PNKD: variants seen among roughly 807,000 people sequenced by gnomAD.
PNKD encodes PNKD metallo-beta-lactamase domain containing, also known as probable thioesterase PNKD.
Under a neutral mutation model 45.3 loss-of-function variants are expected in PNKD, and 36 were observed. The observed-to-expected ratio is 0.80, with a 90% CI of 0.61 to 1.05. The LOEUF (loss-of-function observed/expected upper bound fraction) is 1.05. Among genes scored for constraint, PNKD ranks in the 50% least tolerant of loss-of-function variants. The pLI, the probability that PNKD is intolerant of heterozygous loss-of-function variation, is 0.00. For synonymous variants in PNKD, 197 were observed against 210.1 expected, an observed-to-expected ratio of 0.94 and a Z score of 0.54; for missense variants, 511 against 506.6, an observed-to-expected ratio of 1.01 and a Z score of -0.08.
intron 2 of PNKD, among the ~76,000 whole-genome samples, chr2:218,288,070 T>C (rs886929293): frequency 6.6e-5 from 10 of 152,164 alleles, no homozygotes; most frequent in Admixed American, 2.6e-4. Flanking sequence ...TGTCTTTTCA[T>C]TGAACTTCAA....
chr2:218,286,155 C>A (rs750969512), intron 2 of PNKD: 2 of 152,730 alleles, frequency 1.3e-5, no homozygotes, highest in Non-Finnish European at 2.9e-5. Context: ...CCACTGGAAG[C>A]CTGAATTTTC....
intron 2 of PNKD, 84 bp downstream of exon 2, chr2:218,271,633 G>T: frequency 8.0e-7 from 1 of 1,243,724 alleles, no homozygotes; most frequent in Non-Finnish European, 1.1e-6. Flanking sequence ...CAAGTTTCAG[G>T]TGGCGAGCTG....
chr2:218,339,744 G>A (rs1215961190), intron 2 of PNKD, 39 bp from the exon 3 acceptor site: 14 of 1,274,942 alleles, frequency 1.1e-5, no homozygotes, highest in Admixed American at 6.8e-5. Context: ...GGGAGCTAGG[G>A]AGAAAAGGCT....
At position 218,342,112 on chromosome 2, in the gene PNKD, T is replaced by C; in HGVS notation, c.749T>C (p.Phe250Ser). ...GEPYKGPSCL[F>S]SGDLLFLSGC... ...CCCTACAAGGGTCCCTCCTGCCTCT[T>C]CTCAGGGGACCTGCTCTTCCTCTCT... The change falls in exon 7 of 10, where the codon TTC becomes TCC. Residue 250 changes from phenylalanine to serine, a missense_variant. Transcript: ENST00000273077. 1 of 1,613,816 alleles carries C rather than the reference T, an allele frequency of 6.2e-7. No individual in the cohort carries two copies. Among genetic ancestry groups the C allele is most frequent in the South Asian group, 1.1e-5 (1 of 91,082 alleles).
At chr2:218,289,416 C>T (rs539410265) in intron 2 of PNKD, among the ~76,000 whole-genome samples, 14 of 152,088 alleles carry the variant, frequency 9.2e-5, no homozygotes, top group Admixed American at 8.5e-4. Flanking sequence ...CCGAGCCAGG[C>T]GGATCACTTG....
chr2:218,272,566 G>T (rs376137172), intron 2 of PNKD: 4 of 1,613,444 alleles, frequency 2.5e-6, no homozygotes, highest in Non-Finnish European at 3.4e-6. Flanking sequence ...CTCCCCACCC[G>T]TAGGGCCATC....
At chr2:218,282,337 C>T (rs541315421) in intron 2 of PNKD, 7 of 497,258 alleles carry the variant, frequency 1.4e-5, no homozygotes, top group African/African-American at 1.0e-4. Flanking sequence ...GTCCACAGGC[C>T]ACCTCCCCAC....
chr2:218,342,153 C>A lies in PNKD; in HGVS notation c.781+9C>A, dbSNP rs780957219. 6.2e-7 allele frequency: 1 copy of A among 1,611,138 alleles called. No homozygotes were observed. Among genetic ancestry groups the A allele is most frequent in the South Asian group, 1.1e-5 (1 of 91,062 alleles). ...CTTCCTCTCTGGCTGTGGTGAGTTT[C>A]CCCGAAAGAGAGAGGAGCTGGGAGA... On this transcript the variant is annotated intron_variant, in intron 7 of 9. Transcript: ENST00000273077.
At chr2:218,336,941 A>G (rs547896526) in intron 2 of PNKD, among the ~76,000 whole-genome samples, 46 of 151,610 alleles carry the variant, frequency 3.0e-4, no homozygotes, top group African/African-American at 1.1e-3. Flanking sequence ...CTGGGATTAC[A>G]GGCGCCCACC....
intron 2 of PNKD, among the ~76,000 whole-genome samples, chr2:218,335,713 C>T (rs1694469733): frequency 1.3e-5 from 2 of 152,126 alleles, no homozygotes; most frequent in South Asian, 4.1e-4. Context: ...AGCCCTTCAA[C>T]CATGTGCCCA....
rs10932769 is a variant in PNKD at position 218,282,522 on chromosome 2, T to C, written c.236+10973T>C. On this transcript the variant is annotated intron_variant, in intron 2 of 9. Transcript: ENST00000273077. The stretch of plus-strand genomic sequence containing the variant: ...AGAAAACCTTCCAGTTTTGGTGGCT[T>C]GATGGCAGAACCAGCGAAGAAGCCA... Among the ~76,000 whole-genome samples the C allele has an allele frequency of 7.7e-3, 1,177 of 152,164 alleles. 11 individuals carry two copies. Among genetic ancestry groups the C allele is most frequent in the African/African-American group, 0.026 (1,097 of 41,518 alleles).
At chr2:218,284,921 C>G (rs1173883960) in intron 2 of PNKD, among the ~76,000 whole-genome samples, 1 of 152,120 alleles carries the variant, frequency 6.6e-6, no homozygotes, top group African/African-American at 2.4e-5. Flanking sequence ...GAAACCCCGT[C>G]TCTACTAAAA....
chr2:218,300,551 C>CTTTTTT (rs60503613), intron 2 of PNKD, among the ~76,000 whole-genome samples: 1 of 143,982 alleles, frequency 6.9e-6, no homozygotes, highest in Non-Finnish European at 1.5e-5. Flanking sequence ...CTTTTCTTTT[C>CTTTTTT]TTTTTTTTTT....
At chr2:218,318,185 G>A (rs1693867584) in intron 2 of PNKD, 1 of 152,706 alleles carries the variant, frequency 6.5e-6, no homozygotes, top group African/African-American at 2.4e-5. Flanking sequence ...ATGACAGGTG[G>A]AACAAGGAGG....
chr2:218,322,997 C>A (rs762656097), intron 2 of PNKD, among the ~76,000 whole-genome samples: 2 of 151,884 alleles, frequency 1.3e-5, no homozygotes, highest in African/African-American at 2.4e-5. Context: ...CTGTGGACCC[C>A]GATCAGCGCA....
At chr2:218,303,322 G>T (rs1352765443) in intron 2 of PNKD, among the ~76,000 whole-genome samples, 3 of 152,102 alleles carry the variant, frequency 2.0e-5, no homozygotes, top group African/African-American at 7.2e-5. Flanking sequence ...GAGGTGAGGG[G>T]GCATTGAATT....
chr2:218,342,442 G>A (rs1389600448), intron 7 of PNKD, among the ~76,000 whole-genome samples: 3 of 152,114 alleles, frequency 2.0e-5, no homozygotes, highest in Non-Finnish European at 1.5e-5. Flanking sequence ...GCTCATGCCT[G>A]TAATCCCAGC....
chr2:218,315,503 T>C (rs1233807223), intron 2 of PNKD, among the ~76,000 whole-genome samples: 1 of 152,212 alleles, frequency 6.6e-6, no homozygotes, highest in Non-Finnish European at 1.5e-5. Flanking sequence ...ATTTCCCTTG[T>C]TAGATCTTCT....
chr2:218,273,918 C>G (rs1325830385), intron 2 of PNKD, among the ~76,000 whole-genome samples: 1 of 152,192 alleles, frequency 6.6e-6, no homozygotes, highest in Non-Finnish European at 1.5e-5. Context: ...AGAGTTAGCT[C>G]TCATGAGCTT....
Sources: allele counts gnomAD v4.1 joint callset (sites outside exome capture counted in the v4.1 genomes callset), GRCh38; gene constraint gnomAD v4.1.1; transcripts MANE v1.5; gene names NCBI Gene and HGNC (gene_info 2026-07-23, HGNC 2026-07-21).